The following FAM135A variants were observed in gnomAD, a reference collection of about 807,000 sequenced individuals.
FAM135A encodes protein FAM135A.
In FAM135A, 79 loss-of-function variants were observed where a neutral mutation model predicts 146.8. The ratio of observed to expected loss-of-function variants is 0.54; its 90% CI spans 0.45 to 0.65. The LOEUF (loss-of-function observed/expected upper bound fraction) is 0.65. Ranked by LOEUF, FAM135A falls within the 30% of genes least tolerant of loss-of-function variation. FAM135A has a pLI of 0.00. For synonymous variants in FAM135A, 562 were observed against 603.6 expected (o/e 0.93, Z 1.01); for missense variants, 1,623 against 1,758.2 (o/e 0.92, Z 1.38).
intron 8 of FAM135A, among the ~76,000 whole-genome samples, chr6:70,480,583 T>C (rs1189768076): frequency 6.6e-6 from 1 of 152,188 alleles, no homozygotes; most frequent in Non-Finnish European, 1.5e-5. Flanking sequence ...CATCAGGATT[T>C]CCAAATTCAA....
In FAM135A at chr6:70,493,491, A is replaced by T. The variant is rs183641103; in HGVS notation, c.873+2408A>T. ...TTCAGTATGTAAATGGTTGTCATAA[A>T]CTTTAACATCAACAACCTATAACAT... is the stretch of plus-strand genomic sequence containing the variant. On this transcript the variant is annotated intron_variant, in intron 11 of 21. Transcript: ENST00000418814. Among the ~76,000 whole-genome samples, 108 of 152,336 alleles carry T rather than the reference A, an allele frequency of 7.1e-4. 1 individual carries two copies. The East Asian group carries it at 0.019, about 27-fold the overall frequency.
chr6:70,435,111 T>A (rs9354930), intron 4 of FAM135A, among the ~76,000 whole-genome samples: 217 of 87,006 alleles, frequency 2.5e-3, no homozygotes, highest in South Asian at 4.8e-3. Flanking sequence ...ATATATATAT[T>A]TTTTTTTTTT....
intron 12 of FAM135A, among the ~76,000 whole-genome samples, chr6:70,516,177 A>G (rs1278475179): frequency 2.0e-5 from 3 of 152,326 alleles, no homozygotes; most frequent in Admixed American, 6.5e-5. Flanking sequence ...AGAAGTTTTC[A>G]GCCCCGGCTG....
At chr6:70,460,848 CTTT>C (rs780821553) in intron 5 of FAM135A, among the ~76,000 whole-genome samples, 32 of 134,794 alleles carry the variant, frequency 2.4e-4, no homozygotes, top group African/African-American at 8.3e-4. Context: ...AGATAGCTAT[CTTT>C]TTTTTTTTTT....
chr6:70,519,447 C>T (rs1196995608), intron 12 of FAM135A, among the ~76,000 whole-genome samples: 4 of 152,170 alleles, frequency 2.6e-5, no homozygotes, highest in African/African-American at 4.8e-5. Flanking sequence ...AGGATTGACT[C>T]AATTTTGAAG....
chr6:70,477,279 T>G lies in FAM135A; in HGVS notation c.489T>G (p.Val163=). Residue 163 remains valine, a synonymous_variant, in exon 8 of 22, where the codon GTT becomes GTG. Transcript: ENST00000418814. ...NVMFDYFHLS[V]VSVTVHASLV... is the part of the protein sequence containing the mutation. ...TGTTTGATTACTTCCACCTTTCTGT[T>G]GTGTCTGTTACAGTTCATGCATCAT... 6.2e-7 allele frequency: 1 copy of G among 1,613,588 alleles called. No individual in the cohort carries two copies.
intron 4 of FAM135A, among the ~76,000 whole-genome samples, chr6:70,448,852 A>G (rs956130331): frequency 3.9e-5 from 6 of 152,220 alleles, no homozygotes; most frequent in Non-Finnish European, 7.3e-5. Context: ...TGCTCATGCT[A>G]TTGTTTGTGG....
chr6:70,552,760 G>A (rs571121107), intron 20 of FAM135A, among the ~76,000 whole-genome samples: 20 of 152,090 alleles, frequency 1.3e-4, no homozygotes, highest in Middle Eastern at 3.4e-3. Flanking sequence ...GAGCCACTGC[G>A]CCCAGCCAAA....
intron 12 of FAM135A, among the ~76,000 whole-genome samples, chr6:70,522,298 G>C (rs1042415104): frequency 1.3e-5 from 2 of 148,188 alleles, no homozygotes; most frequent in African/African-American, 5.0e-5. Flanking sequence ...AGGCTATGGT[G>C]GTAATCATAA....
At position 70,525,965 on chromosome 6, in the gene FAM135A, A is replaced by G. The variant is rs981573797; in HGVS notation, c.2881A>G (p.Thr961Ala). ...FQSPDKSNNS[T>A]GTAITLNSKL... ...GAGTCCTGATAAATCTAATAACTCT[A>G]CAGGGACAGCAATTACATTAAATTC... Residue 961 changes from threonine to alanine, a missense_variant, in exon 15 of 22, where the codon ACA becomes GCA. Around this residue, in one of 7 missense-constraint regions of FAM135A, gnomAD observed 1,061 missense variants for 1,113.8 expected, o/e 0.95. Transcript: ENST00000418814. The G allele has an allele frequency of 2.5e-6, 4 of 1,613,324 alleles. No individual in the cohort carries two copies. The highest frequency in any genetic ancestry group is 1.3e-5 in the African/African-American group (1 of 74,908).
chr6:70,491,335 A>T (rs571588383), intron 11 of FAM135A, among the ~76,000 whole-genome samples: 3 of 152,098 alleles, frequency 2.0e-5, no homozygotes, highest in Admixed American at 6.5e-5. Context: ...CTGATCAAAC[A>T]GTACATTTTC....
At chr6:70,482,603 T>C (rs1348410907) in intron 10 of FAM135A, among the ~76,000 whole-genome samples, 1 of 152,134 alleles carries the variant, frequency 6.6e-6, no homozygotes, top group East Asian at 1.9e-4. Flanking sequence ...TTATATTGTT[T>C]TAGGGAATAA....
At chr6:70,453,404 A>T (rs192224810) in intron 5 of FAM135A, among the ~76,000 whole-genome samples, 6 of 152,060 alleles carry the variant, frequency 3.9e-5, no homozygotes, top group Admixed American at 6.6e-5. Flanking sequence ...TTAATGTTAA[A>T]TTTTTTATTT....
chr6:70,544,997 G>A (rs1462837904), intron 20 of FAM135A, among the ~76,000 whole-genome samples: 2 of 150,680 alleles, frequency 1.3e-5, no homozygotes, highest in Admixed American at 1.3e-4. Context: ...GATGCAGTGA[G>A]CCAAGATCGC....
chr6:70,486,574 C>T (rs953620280), intron 10 of FAM135A, among the ~76,000 whole-genome samples: 3 of 152,024 alleles, frequency 2.0e-5, no homozygotes, highest in African/African-American at 7.2e-5. Context: ...AATGACATCG[C>T]CTTAAATTTG....
intron 12 of FAM135A, chr6:70,503,443 AT>A (rs140284343): frequency 6.6e-6 from 1 of 152,108 alleles, no homozygotes; most frequent in Non-Finnish European, 1.5e-5. Context: ...TTTTAAAAAA[AT>A]TTTTTAATTA....
intron 4 of FAM135A, 39 bp downstream of exon 4, chr6:70,428,458 G>T: frequency 7.2e-7 from 1 of 1,394,096 alleles, no homozygotes; most frequent in Non-Finnish European, 9.8e-7. Context: ...TTTTGCATAA[G>T]ATGTACAGTT....
chr6:70,451,461 TCA>T (rs923545856), intron 4 of FAM135A, among the ~76,000 whole-genome samples: 26 of 152,184 alleles, frequency 1.7e-4, no homozygotes, highest in African/African-American at 6.0e-4. Flanking sequence ...CGATCTTTTT[TCA>T]CAGTTTTCTC....
chr6:70,517,314 TGAGCCCAG>T (rs994156526), intron 12 of FAM135A, among the ~76,000 whole-genome samples: 19 of 152,172 alleles, frequency 1.2e-4, no homozygotes, highest in African/African-American at 4.6e-4. Flanking sequence ...GTGGATCACT[TGAGCCCAG>T]GAGTTCCAGA....
Sources: gnomAD v4.1 joint callset for allele counts (sites outside exome capture counted in the v4.1 genomes callset) on GRCh38, gnomAD v4.1.1 for gene constraint, gnomAD v4.1.1 regional missense constraint, MANE v1.5 for transcripts, NCBI Gene and HGNC (gene_info 2026-07-23, HGNC 2026-07-21) for gene names.